Variants in DAB1 observed in about 807,000 individuals in gnomAD.
DAB1 encodes DAB adaptor protein 1.
A neutral mutation model predicts 64.6 loss-of-function variants in DAB1; 15 were observed. The observed-to-expected ratio is 0.23, with a 90% CI of 0.16 to 0.36. DAB1 has a LOEUF of 0.36. Among genes scored for constraint, DAB1 ranks in the 10% least tolerant of loss-of-function variants. The pLI, the probability that DAB1 is intolerant of heterozygous loss-of-function variation, is 1.00. For missense variants in DAB1, 596 were observed against 706.7 expected (o/e 0.84, Z 1.78); for synonymous variants, 235 against 251.9 (o/e 0.93, Z 0.64).
chr1:58,164,262 A>G lies in DAB1; in HGVS notation n.310-13674T>C, dbSNP rs188785374. On this transcript the variant is annotated intron_variant and non_coding_transcript_variant, in intron 4 of 20. Transcript: ENST00000485760. ...TCCTTTTCTAAATTCCAAATCTCATATTCACTTTTAAGGCTTTACATCACA... is the reference window on the plus strand; with the variant it reads ...TCCTTTTCTAAATTCCAAATCTCATGTTCACTTTTAAGGCTTTACATCACA... 1.1e-3 allele frequency among the ~76,000 whole-genome samples: 164 copies of G among 151,906 alleles called. 1 individual carries two copies. Among genetic ancestry groups the G allele is most frequent in the Admixed American group, 1.8e-3 (28 of 15,258 alleles).
At chr1:57,778,612 C>G (rs977692161) in intron 6 of DAB1, among the ~76,000 whole-genome samples, 1 of 151,988 alleles carries the variant, frequency 6.6e-6, no homozygotes, top group Non-Finnish European at 1.5e-5. Context: ...GAATGTCTTT[C>G]AGGATAAAGA....
chr1:57,941,635 G>A (rs1406670957), intron 5 of DAB1, among the ~76,000 whole-genome samples: 2 of 152,188 alleles, frequency 1.3e-5, no homozygotes, highest in East Asian at 1.9e-4. Context: ...AGGAGATCGA[G>A]ACCATCCTGG....
At chr1:57,987,203 C>T (rs1646239695) in intron 5 of DAB1, among the ~76,000 whole-genome samples, 3 of 152,332 alleles carry the variant, frequency 2.0e-5, no homozygotes, top group East Asian at 1.9e-4. Flanking sequence ...ATAGGACGCT[C>T]TTCAGATAAT....
chr1:58,046,500 A>G (rs1224674426), intron 5 of DAB1, among the ~76,000 whole-genome samples: 1 of 152,162 alleles, frequency 6.6e-6, no homozygotes, highest in Non-Finnish European at 1.5e-5. Flanking sequence ...GAACTACTTT[A>G]AGGCCCTCTG....
intron 14 of DAB1, among the ~76,000 whole-genome samples, chr1:57,002,376 C>T (rs1218436630): frequency 6.6e-6 from 1 of 152,134 alleles, no homozygotes; most frequent in Non-Finnish European, 1.5e-5. Context: ...AATGAGGCAT[C>T]TCTGAAAGAG....
intron 5 of DAB1, among the ~76,000 whole-genome samples, chr1:57,980,798 T>A (rs1210621955): frequency 6.6e-6 from 1 of 152,140 alleles, no homozygotes; most frequent in African/African-American, 2.4e-5. Context: ...GTATTAAAAG[T>A]CTGCAAAATA....
At chr1:57,056,312 A>C in intron 9 of DAB1, among the ~76,000 whole-genome samples, 1 of 150,288 alleles carries the variant, frequency 6.7e-6, no homozygotes, top group African/African-American at 2.5e-5. Flanking sequence ...CACAGTGGGT[A>C]ACATAGCAAG....
chr1:58,015,066 A>C (rs1366107956), intron 5 of DAB1, among the ~76,000 whole-genome samples: 1 of 152,200 alleles, frequency 6.6e-6, no homozygotes, highest in Non-Finnish European at 1.5e-5. Context: ...AGAGTCAAAC[A>C]AGAGAGAGCA....
intron 4 of DAB1, among the ~76,000 whole-genome samples, chr1:58,236,730 G>A (rs1660060795): frequency 6.6e-6 from 1 of 152,250 alleles, no homozygotes. Flanking sequence ...GGCCCTGGGA[G>A]GCTGAAGCTC....
chr1:57,526,280 T>A (rs762509464), intron 7 of DAB1, among the ~76,000 whole-genome samples: 2 of 152,162 alleles, frequency 1.3e-5, no homozygotes, highest in Non-Finnish European at 2.9e-5. Flanking sequence ...ACTCTGCCCT[T>A]ACCTAGTATG....
At position 57,225,730 on chromosome 1, in the gene DAB1, A is replaced by T. The variant is rs189660903; in HGVS notation, c.67+65234T>A. On this transcript the variant is annotated intron_variant, in intron 2 of 14. Transcript: ENST00000371236. The stretch of plus-strand genomic sequence containing the variant: ...GCAAAGCTAATTGATAGTTAATTCA[A>T]GTGTGTCTAGCTGTAAATCAACCCT... 1.1e-4 allele frequency among the ~76,000 whole-genome samples: 17 copies of T among 152,344 alleles called. No homozygotes were observed. In the East Asian group the frequency reaches 2.9e-3, roughly 26 times the overall value.
At chr1:57,541,844 A>G (rs1306598573) in intron 7 of DAB1, among the ~76,000 whole-genome samples, 1 of 152,202 alleles carries the variant, frequency 6.6e-6, no homozygotes, top group African/African-American at 2.4e-5. Flanking sequence ...TCATTGTTAG[A>G]TACTGCTATT....
intron 4 of DAB1, among the ~76,000 whole-genome samples, chr1:58,239,324 G>T (rs1226928499): frequency 6.6e-6 from 1 of 152,152 alleles, no homozygotes; most frequent in Non-Finnish European, 1.5e-5. Context: ...ACAGAAATAA[G>T]ATGCACGTTT....
At chr1:58,235,087 C>A (rs1659956263) in intron 4 of DAB1, among the ~76,000 whole-genome samples, 1 of 152,240 alleles carries the variant, frequency 6.6e-6, no homozygotes, top group African/African-American at 2.4e-5. Context: ...ACACACCCTG[C>A]CTCAGCATCT....
intron 2 of DAB1, among the ~76,000 whole-genome samples, chr1:57,245,641 A>C (rs912167088): frequency 2.0e-5 from 3 of 152,218 alleles, no homozygotes; most frequent in African/African-American, 7.2e-5. Context: ...ATAGTATTCC[A>C]TGGTGTATAT....
chr1:57,374,663 C>G (rs1351504223), intron 1 of DAB1, among the ~76,000 whole-genome samples: 1 of 152,172 alleles, frequency 6.6e-6, no homozygotes, highest in Admixed American at 6.5e-5. Context: ...AGCCTCTGCC[C>G]ATGAACAGGA....
chr1:56,997,029 C>A lies in DAB1; in HGVS notation c.*1115G>T, dbSNP rs1645653333. ...TGTACAAAAAGAGATAGAGATGAAC[C>A]ATTTGGACCACAGAATCAGTTTGTT... On this transcript the variant is annotated 3_prime_UTR_variant, in exon 15 of 15. Coordinates refer to ENST00000371236, the MANE Select transcript of DAB1 (RefSeq NM_001365792.1). The A allele has an allele frequency of 6.6e-6, 1 of 151,732 alleles. No individual in the cohort carries two copies. The highest frequency in any genetic ancestry group is 6.6e-5 in the Admixed American group (1 of 15,260). 9.4% of individuals were successfully genotyped at this position (151,732 alleles called of 1,614,324 possible).
Position 57,931,972 on chromosome 1 carries a change from T to C in DAB1, n.388-47810A>G, listed in dbSNP as rs115245905. 3.5e-3 allele frequency among the ~76,000 whole-genome samples: 537 copies of C among 152,262 alleles called. 6 individuals carry two copies. Among genetic ancestry groups the C allele is most frequent in the African/African-American group, 0.012 (493 of 41,572 alleles). ...TTTAGATCTTTCTTCTTTTCTAACA[T>C]ATGCATTCAATGCTACAAATTTCCC... On this transcript the variant is annotated intron_variant and non_coding_transcript_variant, in intron 5 of 20. Transcript: ENST00000485760.
At chr1:57,734,110 A>AT (rs1450318181) in intron 6 of DAB1, among the ~76,000 whole-genome samples, 3 of 151,942 alleles carry the variant, frequency 2.0e-5, no homozygotes, top group Non-Finnish European at 4.4e-5. Context: ...GGAGGCGTGG[A>AT]TAAAAAAAAA....
Sources: gnomAD v4.1 joint callset for allele counts (sites outside exome capture counted in the v4.1 genomes callset) on GRCh38, gnomAD v4.1.1 for gene constraint, MANE v1.5 for transcripts, NCBI Gene and HGNC (gene_info 2026-07-23, HGNC 2026-07-21) for gene names.